The following MCTP2 variants were observed in gnomAD, a reference collection of about 807,000 sequenced individuals.
The protein encoded by MCTP2 is multiple C2 and transmembrane domain-containing protein 2.
In MCTP2, 132 loss-of-function variants were observed where a neutral mutation model predicts 111.6. That is an observed-to-expected ratio of 1.18 (90% CI 1.03 to 1.37). The LOEUF is 1.37. MCTP2 is among the 40% of genes most tolerant of loss of function. The probability of loss-of-function intolerance (pLI) is 0.00; values close to 1 mark genes in which losing one functional copy is unlikely to be tolerated. For missense variants in MCTP2, 1,183 were observed against 1,067.9 expected, an observed-to-expected ratio of 1.11 and a Z score of -1.50; for synonymous variants, 395 against 387.7, an observed-to-expected ratio of 1.02 and a Z score of -0.22.
chr15:94,424,470 C>G (rs2082782341), intron 17 of MCTP2, among the ~76,000 whole-genome samples: 1 of 152,270 alleles, frequency 6.6e-6, no homozygotes. Flanking sequence ...CTTGGGCCCC[C>G]CTCCAAATCT....
At chr15:94,244,002 T>C (rs572815133) in intron 1 of MCTP2, among the ~76,000 whole-genome samples, 5 of 146,350 alleles carry the variant, frequency 3.4e-5, no homozygotes, top group East Asian at 2.1e-4. Flanking sequence ...TATATATTTA[T>C]GCACACATAT....
intron 8 of MCTP2, 92 bp downstream of exon 8, chr15:94,345,256 CT>C: frequency 8.3e-7 from 1 of 1,202,158 alleles, no homozygotes; most frequent in Non-Finnish European, 1.2e-6. Flanking sequence ...ATTACCCAAT[CT>C]TTACATCAAA....
intron 4 of MCTP2, among the ~76,000 whole-genome samples, chr15:94,337,876 T>C (rs2077444678): frequency 6.6e-6 from 1 of 152,238 alleles, no homozygotes; most frequent in Non-Finnish European, 1.5e-5. Flanking sequence ...CATGCCTTAC[T>C]TAATCTAGTA....
intron 19 of MCTP2, 69 bp downstream of exon 19, chr15:94,443,029 G>T: frequency 8.0e-7 from 1 of 1,251,428 alleles, no homozygotes; most frequent in Non-Finnish European, 1.1e-6. Flanking sequence ...ATTCCTTCAG[G>T]TTGAGTCTCT....
intron 14 of MCTP2, among the ~76,000 whole-genome samples, chr15:94,394,205 G>A (rs542295219): frequency 2.0e-5 from 3 of 151,950 alleles, no homozygotes; most frequent in Non-Finnish European, 4.4e-5. Flanking sequence ...TAAACTGGCT[G>A]TGTGATTTTT....
chr15:94,351,065 C>T (rs1201016283), intron 8 of MCTP2, among the ~76,000 whole-genome samples: 1 of 152,016 alleles, frequency 6.6e-6, no homozygotes, highest in Admixed American at 6.6e-5. Context: ...AAATTTAATG[C>T]AAAGCTTTTA....
At chr15:94,251,836 C>T (rs2152268666) in intron 1 of MCTP2, among the ~76,000 whole-genome samples, 1 of 152,282 alleles carries the variant, frequency 6.6e-6, no homozygotes, top group Non-Finnish European at 1.5e-5. Flanking sequence ...TACTTTCTGT[C>T]TCCACGAATT....
intron 1 of MCTP2, among the ~76,000 whole-genome samples, chr15:94,235,448 A>C (rs148527045): frequency 6.6e-6 from 1 of 152,166 alleles, no homozygotes; most frequent in Middle Eastern, 3.2e-3. Flanking sequence ...ATTCTGGTGC[A>C]TGCTAAAATC....
intron 18 of MCTP2, among the ~76,000 whole-genome samples, chr15:94,440,745 C>T (rs937504087): frequency 2.0e-5 from 3 of 152,174 alleles, no homozygotes; most frequent in Non-Finnish European, 4.4e-5. Flanking sequence ...CAGGAGATTC[C>T]CAGAGGCTTG....
At chr15:94,451,224 A>G (rs2084435122) in intron 19 of MCTP2, among the ~76,000 whole-genome samples, 1 of 152,150 alleles carries the variant, frequency 6.6e-6, no homozygotes, top group Admixed American at 6.5e-5. Context: ...TATGATATAT[A>G]TTTTTAGGTT....
chr15:94,433,089 G>GTT (rs769029890), intron 17 of MCTP2, among the ~76,000 whole-genome samples: 191 of 152,208 alleles, frequency 1.3e-3, no homozygotes, highest in Non-Finnish European at 2.3e-3. Flanking sequence ...TAGGGGATTT[G>GTT]TTAGATTTGT....
intron 20 of MCTP2, among the ~76,000 whole-genome samples, chr15:94,463,351 T>G (rs185217023): frequency 4.6e-4 from 70 of 152,326 alleles, no homozygotes; most frequent in Middle Eastern, 3.4e-3. Context: ...GAGTACTTGA[T>G]AGTGTGGTGC....
chr15:94,293,976 C>G, intron 1 of MCTP2, among the ~76,000 whole-genome samples: 1 of 152,090 alleles, frequency 6.6e-6, no homozygotes, highest in Non-Finnish European at 1.5e-5. Flanking sequence ...AAATGTCCTT[C>G]AAGGGGTAAA....
chr15:94,309,650 A>G (rs1023974992), intron 2 of MCTP2, among the ~76,000 whole-genome samples: 3 of 152,202 alleles, frequency 2.0e-5, no homozygotes, highest in African/African-American at 7.2e-5. Context: ...GTCCTTGGTG[A>G]CTAGAGAAGA....
chr15:94,360,855 T>A (rs935690141), intron 10 of MCTP2, among the ~76,000 whole-genome samples: 5 of 151,492 alleles, frequency 3.3e-5, no homozygotes, highest in African/African-American at 1.2e-4. Flanking sequence ...TTAAAGAATT[T>A]TTTTTTTTTG....
intron 4 of MCTP2, among the ~76,000 whole-genome samples, chr15:94,318,408 C>T (rs770080923): frequency 2.0e-5 from 3 of 151,944 alleles, no homozygotes; most frequent in Admixed American, 1.3e-4. Context: ...CTCAGCCTCC[C>T]AAATAGCTGG....
At chr15:94,276,058 A>T (rs546389635) in intron 1 of MCTP2, among the ~76,000 whole-genome samples, 2 of 151,924 alleles carry the variant, frequency 1.3e-5, no homozygotes, top group Non-Finnish European at 2.9e-5. Context: ...GTTAGCCAGG[A>T]TGGTCTTGAT....
intron 8 of MCTP2, among the ~76,000 whole-genome samples, chr15:94,345,734 TTAAAG>T (rs1465382673): frequency 6.6e-6 from 1 of 152,226 alleles, no homozygotes; most frequent in Non-Finnish European, 1.5e-5. Context: ...TATGAAGTTA[TTAAAG>T]TAGCCAGTTG....
chr15:94,284,853 A>T (rs1299461306), intron 1 of MCTP2, among the ~76,000 whole-genome samples: 1 of 152,242 alleles, frequency 6.6e-6, no homozygotes, highest in Non-Finnish European at 1.5e-5. Flanking sequence ...GAACACTAAA[A>T]GGCCTTTACA....
Sources: gnomAD v4.1 joint callset for allele counts (sites outside exome capture counted in the v4.1 genomes callset) on GRCh38, gnomAD v4.1.1 for gene constraint, MANE v1.5 for transcripts, NCBI Gene and HGNC (gene_info 2026-07-23, HGNC 2026-07-21) for gene names.